ZNF592: variants seen among roughly 807,000 people sequenced by gnomAD.
ZNF592 encodes the protein spinocerebellar ataxia, autosomal recessive 5.
Under a neutral mutation model 80.3 loss-of-function variants are expected in ZNF592, and 11 were observed. That is an observed-to-expected ratio of 0.14 (90% CI 0.09 to 0.23). The LOEUF is 0.23. ZNF592 is among the 10% of genes least tolerant of loss of function. ZNF592 has a pLI of 1.00. For synonymous variants in ZNF592, 646 were observed against 640.3 expected, an observed-to-expected ratio of 1.01 and a Z score of -0.13; for missense variants, 1,420 against 1,633.9, an observed-to-expected ratio of 0.87 and a Z score of 2.26.
At chr15:84,748,894 T>C (rs1480717384) in intron 1 of ZNF592, among the ~76,000 whole-genome samples, 1 of 149,000 alleles carries the variant, frequency 6.7e-6, no homozygotes, top group East Asian at 2.0e-4. Flanking sequence ...CGCCGGCCCC[T>C]TCCGCCGCTG....
chr15:84,772,312 G>GAACT lies in ZNF592; in HGVS notation c.-149-5870_-149-5867dup, dbSNP rs574037654. On this transcript the variant is annotated intron_variant, in intron 2 of 10. Coordinates refer to ENST00000560079, the MANE Select transcript of ZNF592 (RefSeq NM_014630.3). ...GTCTTGGGAGCAGCAGCTTACTCTT[G>GAACT]AACTTGTTTGCTCATTCTGACTTTC... 8.5e-5 allele frequency among the ~76,000 whole-genome samples: 13 copies of GAACT among 152,234 alleles called. No individual in the cohort carries two copies. In the East Asian group the frequency reaches 2.5e-3, roughly 29 times the overall value.
At chr15:84,758,269 G>A (rs1476116787) in intron 1 of ZNF592, among the ~76,000 whole-genome samples, 2 of 151,896 alleles carry the variant, frequency 1.3e-5, no homozygotes, top group East Asian at 3.9e-4. Context: ...CACAGCGCCC[G>A]GCCCCGTTAA....
chr15:84,767,921 C>T (rs183431123), intron 2 of ZNF592, among the ~76,000 whole-genome samples: 2 of 151,390 alleles, frequency 1.3e-5, no homozygotes, highest in African/African-American at 4.9e-5. Flanking sequence ...GTGTCACCTA[C>T]CCTGGAGTGC....
At chr15:84,760,751 A>G (rs763155726) in intron 1 of ZNF592, among the ~76,000 whole-genome samples, 11 of 152,184 alleles carry the variant, frequency 7.2e-5, no homozygotes, top group Non-Finnish European at 1.6e-4. Context: ...TGCTCTCAGT[A>G]GGAACGGAGT....
chr15:84,795,209 G>A (rs1208649861), intron 5 of ZNF592, among the ~76,000 whole-genome samples: 1 of 152,038 alleles, frequency 6.6e-6, no homozygotes, highest in Non-Finnish European at 1.5e-5. Flanking sequence ...AAGGATGCAA[G>A]TTTAGACTGT....
intron 1 of ZNF592, among the ~76,000 whole-genome samples, chr15:84,754,141 G>T (rs1899094383): frequency 3.3e-5 from 5 of 152,156 alleles, no homozygotes; most frequent in Admixed American, 3.3e-4. Context: ...TTCGAGTTTG[G>T]TGCCACGGCA....
At chr15:84,793,650 G>A (rs1313953545) in intron 5 of ZNF592, among the ~76,000 whole-genome samples, 2 of 152,128 alleles carry the variant, frequency 1.3e-5, no homozygotes, top group Non-Finnish European at 2.9e-5. Context: ...CAATTTTAGA[G>A]CATTTTTACT....
chr15:84,806,195 AT>A lies in ZNF592; in HGVS notation c.*3804del, dbSNP rs991178545. 1.3e-5 allele frequency: 2 copies of A among 152,226 alleles called. No homozygotes were observed. The highest frequency in any genetic ancestry group is 2.9e-5 in the Non-Finnish European group (2 of 68,020). 9.4% of individuals were successfully genotyped at this position (152,226 alleles called of 1,614,324 possible). On this transcript the variant is annotated 3_prime_UTR_variant, in exon 11 of 11. Transcript: ENST00000560079. Reference sequence around the variant, plus strand: ...ATCTGACCAAGACAGCACCTTCTAGATTCTAGAATGTGTCCTCCTGACTAAG... The same window carrying A: ...ATCTGACCAAGACAGCACCTTCTAGATCTAGAATGTGTCCTCCTGACTAAG...
At chr15:84,759,148 A>T (rs1282355112) in intron 1 of ZNF592, among the ~76,000 whole-genome samples, 2 of 152,126 alleles carry the variant, frequency 1.3e-5, no homozygotes, top group African/African-American at 4.8e-5. Context: ...TGTGGACCCA[A>T]TCCAGAGTTG....
chr15:84,762,877 T>C (rs775807866), intron 1 of ZNF592, among the ~76,000 whole-genome samples: 9 of 152,228 alleles, frequency 5.9e-5, no homozygotes, highest in Non-Finnish European at 1.3e-4. Flanking sequence ...AGAATCTCTT[T>C]GGCTCCGATA....
intron 1 of ZNF592, among the ~76,000 whole-genome samples, chr15:84,750,073 G>A (rs867832048): frequency 1.2e-4 from 19 of 152,312 alleles, no homozygotes; most frequent in African/African-American, 4.3e-4. Flanking sequence ...AGGCCGAGGC[G>A]GGTGGATCGC....
rs1432630650 is a variant in ZNF592 at position 84,777,694 on chromosome 15, C to CCTTTTTTTTTTTTTTTTTTTTT, written c.-149-489_-149-488insCTTTTTTTTTTTTTTTTTTTTT. Among the ~76,000 whole-genome samples, 17 of 98,414 alleles carry CCTTTTTTTTTTTTTTTTTTTTT rather than the reference C, an allele frequency of 1.7e-4. 7 individuals carry two copies. Among genetic ancestry groups the CCTTTTTTTTTTTTTTTTTTTTT allele is most frequent in the African/African-American group, 2.3e-4 (6 of 26,418 alleles). 64.6% of individuals were successfully genotyped at this position (98,414 alleles called of 152,430 possible). ...GAAAATAATTTCGTCTGTTGAGATA[C>CCTTTTTTTTTTTTTTTTTTTTT]TTTTTTTTTTTTTTTTTTTTTTTGA... is the stretch of plus-strand genomic sequence containing the variant. On this transcript the variant is annotated intron_variant, in intron 2 of 10. Transcript: ENST00000560079.
chr15:84,784,037 G>C lies in ZNF592; in HGVS notation c.1362G>C (p.Lys454Asn), dbSNP rs1251792011. ...GGAAAGGGGACGAGAGCATGACAAA[G>C]GCCAGTGACTCGTCATCTCCCAGCT... Reference protein sequence around the residue: ...GARKGDESMTKASDSSSPSCS... With the variant: ...GARKGDESMTNASDSSSPSCS... Residue 454 changes from lysine to asparagine, a missense_variant, in exon 4 of 11, where the codon AAG becomes AAC. Lys to Asn is a moderately conservative substitution (Grantham distance 94). This residue lies in a region of ZNF592 where 524 missense variants were observed against 628.3 expected (regional missense o/e 0.83). Coordinates refer to ENST00000560079, the MANE Select transcript of ZNF592 (RefSeq NM_014630.3). This position sits in a 1 kb window ranked among gnomAD's most constrained non-coding sequence, Gnocchi z 5.8. 6.2e-7 allele frequency: 1 copy of C among 1,612,582 alleles called. No homozygotes were observed. Among genetic ancestry groups the C allele is most frequent in the South Asian group, 1.1e-5 (1 of 91,064 alleles).
rs575987156 is a variant in ZNF592, at chr15:84,804,925, C to G, written c.*2532C>G. On this transcript the variant is annotated 3_prime_UTR_variant, in exon 11 of 11. Coordinates refer to ENST00000560079, the MANE Select transcript of ZNF592 (RefSeq NM_014630.3). Reference sequence around the variant, plus strand: ...TTTTACGGAGAAGAAACCGAGGCTCCGAGAGGTTAAACGATGTGCAGAGGC... The same window carrying G: ...TTTTACGGAGAAGAAACCGAGGCTCGGAGAGGTTAAACGATGTGCAGAGGC... The G allele has an allele frequency of 6.6e-6, 1 of 152,182 alleles. No individual in the cohort carries two copies. Among genetic ancestry groups the G allele is most frequent in the Non-Finnish European group, 1.5e-5 (1 of 68,038 alleles). The allele number at this position is 152,182 out of a possible 1,614,324, so 9.4% of individuals were successfully genotyped here.
At chr15:84,801,712 A>T in intron 10 of ZNF592, 151 bp from the exon 11 acceptor site, 1 of 1,128,638 alleles carries the variant, frequency 8.9e-7, no homozygotes, top group Non-Finnish European at 1.3e-6. Context: ...AAAACAAAGA[A>T]TTGAAACAAA....
In ZNF592 at chr15:84,783,483, C is replaced by A. The variant is rs769657850; in HGVS notation, c.808C>A (p.Pro270Thr). 13 of 1,614,096 alleles carry A rather than the reference C, an allele frequency of 8.1e-6. No homozygotes were observed. The highest frequency in any genetic ancestry group is 1.7e-5 in the Admixed American group (1 of 60,004). ...GCTTGGTACCTGCTCATCAGTCCCC[C>A]CTAGGCAGCGTCTAAAGCCAGCTCA... ...RELGTCSSVP[P>T]RQRLKPAHSK... Residue 270 changes from proline (P) to threonine (T), a missense_variant, in exon 4 of 11, where the codon CCT becomes ACT. By Grantham distance (38) the Pro-to-Thr change is conservative (BLOSUM62 -1). Transcript: ENST00000560079. This position sits in a 1 kb window ranked among gnomAD's most constrained non-coding sequence, Gnocchi z 5.0.
chr15:84,785,948 A>G (rs1338036297), intron 4 of ZNF592, among the ~76,000 whole-genome samples: 2 of 152,032 alleles, frequency 1.3e-5, no homozygotes, highest in Admixed American at 1.3e-4. Flanking sequence ...GTTTCTCTGA[A>G]GAAAGAGGCC....
At chr15:84,749,197 A>T (rs886387285) in intron 1 of ZNF592, among the ~76,000 whole-genome samples, 7 of 152,208 alleles carry the variant, frequency 4.6e-5, no homozygotes, top group Admixed American at 2.6e-4. Flanking sequence ...CCCGGAGCAG[A>T]CAGGTATTCC....
intron 2 of ZNF592, 85 bp downstream of exon 2, chr15:84,764,900 GTTT>G: frequency 3.6e-6 from 1 of 274,536 alleles, no homozygotes; most frequent in Non-Finnish European, 5.8e-6. Context: ...ATTTTGTTTT[GTTT>G]TGTTTTGTTT....
Sources: gnomAD v4.1 joint callset for allele counts (sites outside exome capture counted in the v4.1 genomes callset) on GRCh38, gnomAD v4.1.1 for gene constraint, gnomAD v4.1.1 regional missense constraint, Gnocchi (gnomAD v3.1) non-coding constraint, MANE v1.5 for transcripts, NCBI Gene and HGNC (gene_info 2026-07-23, HGNC 2026-07-21) for gene names.